The following ANO5 variants were observed in gnomAD, a reference collection of about 807,000 sequenced individuals.
ANO5 encodes anoctamin 5.
ANO5 carries 109 observed loss-of-function variants against 121.0 expected under a neutral mutation model. The observed-to-expected ratio is 0.90, with a 90% CI of 0.77 to 1.06. ANO5 has a LOEUF of 1.06. Among genes scored for constraint, ANO5 ranks in the 50% least tolerant of loss-of-function variants. ANO5 has a pLI of 0.00. For missense variants in ANO5, 1,064 were observed against 1,078.5 expected, an observed-to-expected ratio of 0.99 and a Z score of 0.19; for synonymous variants, 406 against 359.9, an observed-to-expected ratio of 1.13 and a Z score of -1.45.
chr11:22,201,452 G>A (rs968256629), intron 1 of ANO5, among the ~76,000 whole-genome samples: 2 of 152,148 alleles, frequency 1.3e-5, no homozygotes, highest in African/African-American at 4.8e-5. Context: ...GCTTCCCTGG[G>A]GAGAGAGTGA....
At chr11:22,215,428 A>G (rs1056038228) in intron 3 of ANO5, among the ~76,000 whole-genome samples, 1 of 151,974 alleles carries the variant, frequency 6.6e-6, no homozygotes, top group African/African-American at 2.4e-5. Context: ...TCATGGCTTT[A>G]AATACAATTG....
At position 22,259,511 on chromosome 11, in the gene ANO5, T is replaced by C. The variant is rs1554931111; in HGVS notation, c.1408-8T>C. ...CCCAAATAGCAGTTCTTTGTTTTCC[T>C]TTCCCAGATGTCTCTTGTCGTCACC... On this transcript the variant is annotated splice_region_variant and splice_polypyrimidine_tract_variant and intron_variant, in intron 14 of 21. Coordinates refer to ENST00000324559, the MANE Select transcript of ANO5 (RefSeq NM_213599.3). The C allele has an allele frequency of 2.5e-6, 4 of 1,613,066 alleles. No individual in the cohort carries two copies. The highest frequency in any genetic ancestry group is 3.4e-6 in the Non-Finnish European group (4 of 1,179,022).
chr11:22,279,513 G>A (rs1374923730), intron 21 of ANO5, 31 bp from the exon 22 acceptor site: 2 of 1,563,238 alleles, frequency 1.3e-6, no homozygotes, highest in Admixed American at 1.7e-5. Context: ...ACCTCTAACA[G>A]CGTCTAATCT....
rs181784170 is a variant in ANO5 at position 22,242,239 on chromosome 11, T to A, written c.878+2555T>A. ...TTCTGCTTTCTCTGTTTAGTTCCAT[T>A]GGTCTATGTGTCTTACCAGTACCAT... On this transcript the variant is annotated intron_variant, in intron 9 of 21. Transcript: ENST00000324559. Among the ~76,000 whole-genome samples the A allele has an allele frequency of 2.2e-3, 335 of 152,266 alleles. 1 individual carries two copies. Among genetic ancestry groups the A allele is most frequent in the African/African-American group, 7.6e-3 (317 of 41,562 alleles).
At chr11:22,193,945 T>A (rs975834569) in intron 1 of ANO5, among the ~76,000 whole-genome samples, 3 of 152,208 alleles carry the variant, frequency 2.0e-5, no homozygotes, top group African/African-American at 7.2e-5. Flanking sequence ...GCAAGACAGC[T>A]ATCCCACGTG....
At position 22,250,326 on chromosome 11, in the gene ANO5, C is replaced by G. The variant is rs768341760; in HGVS notation, c.968C>G (p.Ala323Gly). ...MLFFAAVVGL[A>G]CFIYGLLSME... ...TTCTTTGCAGCTGTAGTTGGCTTAG[C>G]TTGTTTTATTTATGGCTTATTATCA... is the stretch of plus-strand genomic sequence containing the variant. Residue 323 changes from alanine (A) to glycine (G), a missense_variant, in exon 10 of 22, where the codon GCT becomes GGT. Coordinates refer to ENST00000324559, the MANE Select transcript of ANO5 (RefSeq NM_213599.3). 4.3e-6 allele frequency: 7 copies of G among 1,613,374 alleles called. No individual in the cohort carries two copies. In the South Asian group the frequency reaches 7.7e-5, roughly 18 times the overall value.
intron 18 of ANO5, among the ~76,000 whole-genome samples, chr11:22,270,780 G>C (rs778068005): frequency 2.0e-5 from 3 of 152,116 alleles, no homozygotes; most frequent in Non-Finnish European, 4.4e-5. Context: ...GTTTGCCTCA[G>C]TGACAGCTCA....
chr11:22,233,405 A>T lies in ANO5; in HGVS notation c.649-2758A>T, dbSNP rs141689132. ...TTTTCTGGAAAAACAGAATTTAAAA[A>T]ATATATATAAATTTTATTTATCACC... On this transcript the variant is annotated intron_variant, in intron 7 of 21. Transcript: ENST00000324559. 6.7e-3 allele frequency among the ~76,000 whole-genome samples: 1,012 copies of T among 152,020 alleles called. 8 individuals carry two copies. The highest frequency in any genetic ancestry group is 0.023 in the African/African-American group (958 of 41,494).
At chr11:22,199,879 G>A (rs775502554) in intron 1 of ANO5, among the ~76,000 whole-genome samples, 4 of 152,044 alleles carry the variant, frequency 2.6e-5, no homozygotes, top group African/African-American at 7.2e-5. Flanking sequence ...CAAATTCAAC[G>A]AATAATAGGT....
chr11:22,195,660 C>T (rs74717338), intron 1 of ANO5, among the ~76,000 whole-genome samples: 23 of 152,224 alleles, frequency 1.5e-4, no homozygotes, highest in African/African-American at 5.1e-4. Flanking sequence ...TTGAACTCCA[C>T]AGCTCAGCTG....
intron 11 of ANO5, 27 bp from the exon 12 acceptor site, chr11:22,250,924 G>A (rs747134868): frequency 1.2e-6 from 2 of 1,609,162 alleles, no homozygotes; most frequent in East Asian, 2.2e-5. Context: ...AATTATCTTT[G>A]TGATATTGTT....
chr11:22,195,208 CTTATTAG>C (rs1381781207), intron 1 of ANO5, among the ~76,000 whole-genome samples: 4 of 152,080 alleles, frequency 2.6e-5, no homozygotes, highest in African/African-American at 9.7e-5. Context: ...TTTTCATATA[CTTATTAG>C]TTATTCACGT....
intron 1 of ANO5, among the ~76,000 whole-genome samples, chr11:22,199,664 T>C (rs1169623141): frequency 6.6e-6 from 1 of 152,146 alleles, no homozygotes; most frequent in East Asian, 1.9e-4. Flanking sequence ...TGCATTGTTC[T>C]ACTTTAAAAA....
intron 2 of ANO5, among the ~76,000 whole-genome samples, chr11:22,207,845 A>C (rs936043868): frequency 2.0e-5 from 3 of 152,000 alleles, no homozygotes; most frequent in African/African-American, 4.8e-5. Flanking sequence ...ACAAGAAAAA[A>C]TGCCCAGTTA....
chr11:22,276,274 T>A (rs1854845705), intron 21 of ANO5, 75 bp downstream of exon 21: 1 of 1,231,786 alleles, frequency 8.1e-7, no homozygotes, highest in Middle Eastern at 1.9e-4. Context: ...TAACCTCTCA[T>A]CAGAAAGTTA....
intron 2 of ANO5, among the ~76,000 whole-genome samples, chr11:22,210,961 C>A (rs1852257823): frequency 6.6e-6 from 1 of 151,794 alleles, no homozygotes; most frequent in African/African-American, 2.4e-5. Context: ...TATCTGATTT[C>A]TTTTATGATT....
At chr11:22,235,525 G>GA (rs1031228537) in intron 7 of ANO5, among the ~76,000 whole-genome samples, 2 of 151,950 alleles carry the variant, frequency 1.3e-5, no homozygotes, top group African/African-American at 4.8e-5. Flanking sequence ...AAACAGTGCT[G>GA]AAAAAAACAA....
chr11:22,207,565 A>AT (rs1029959918), intron 2 of ANO5, among the ~76,000 whole-genome samples: 4 of 152,250 alleles, frequency 2.6e-5, no homozygotes, highest in Admixed American at 1.3e-4. Context: ...AAACTATACA[A>AT]TTTTTTGAAG....
chr11:22,220,782 T>C (rs1367437238), intron 4 of ANO5, among the ~76,000 whole-genome samples: 2 of 152,018 alleles, frequency 1.3e-5, no homozygotes, highest in Admixed American at 6.6e-5. Flanking sequence ...AGTGATATCT[T>C]GTTTGATGAA....
Sources: allele counts gnomAD v4.1 joint callset (sites outside exome capture counted in the v4.1 genomes callset), GRCh38; gene constraint gnomAD v4.1.1; transcripts MANE v1.5; gene names NCBI Gene and HGNC (gene_info 2026-07-23, HGNC 2026-07-21).